GPSM2: variants seen among roughly 807,000 people sequenced by gnomAD.
The protein encoded by GPSM2 is G protein-signaling modulator 2.
In GPSM2, 58 loss-of-function variants were observed where a neutral mutation model predicts 78.4. The observed-to-expected ratio is 0.74, with a 90% CI of 0.60 to 0.92. GPSM2 has a LOEUF of 0.92. Ranked by LOEUF, GPSM2 falls within the 40% of genes least tolerant of loss-of-function variation. The pLI is 0.00. For synonymous variants in GPSM2, 224 were observed against 280.2 expected (o/e 0.80, Z 2.00); for missense variants, 700 against 815.5 (o/e 0.86, Z 1.73).
At chr1:108,917,611 C>CACACATATATATATATATAT (rs1312607573) in intron 11 of GPSM2, among the ~76,000 whole-genome samples, 1 of 22,720 alleles carries the variant, frequency 4.4e-5, no homozygotes, top group Non-Finnish European at 7.8e-5. Context: ...CACACACACA[C>CACACATATATATATATATAT]ATATATATAT....
intron 12 of GPSM2, 84 bp downstream of exon 12, chr1:108,918,873 T>C (rs1431290163): frequency 6.0e-6 from 5 of 836,920 alleles, no homozygotes; most frequent in Non-Finnish European, 1.0e-5. Flanking sequence ...TTTTTAGTAA[T>C]TTAAATTAGA....
At chr1:108,910,929 T>C (rs187151066) in intron 10 of GPSM2, among the ~76,000 whole-genome samples, 32 of 151,952 alleles carry the variant, frequency 2.1e-4, no homozygotes, top group South Asian at 4.2e-4. Context: ...CTAATGAACA[T>C]AGTAAAGAGA....
At chr1:108,929,435 T>G in intron 14 of GPSM2, 1 of 478,378 alleles carries the variant, frequency 2.1e-6, no homozygotes. Flanking sequence ...TGACTTAACA[T>G]AATGCACGTA....
intron 12 of GPSM2, among the ~76,000 whole-genome samples, chr1:108,919,305 G>A (rs140864478): frequency 2.0e-5 from 3 of 152,210 alleles, no homozygotes; most frequent in East Asian, 1.9e-4. Flanking sequence ...ACTGCGCCTG[G>A]CCAATAATTA....
chr1:108,915,202 C>A (rs561794578), intron 11 of GPSM2, among the ~76,000 whole-genome samples: 135 of 151,390 alleles, frequency 8.9e-4, no homozygotes, highest in African/African-American at 3.2e-3. Context: ...GAAACCCTGT[C>A]TTTACTAAAA....
At position 108,901,236 on chromosome 1, in the gene GPSM2, C is replaced by T. The variant is rs116128450; in HGVS notation, c.798-554C>T. Among the ~76,000 whole-genome samples, 1,492 of 152,310 alleles carry T rather than the reference C, an allele frequency of 9.8e-3. 20 individuals are homozygous for T. The highest frequency in any genetic ancestry group is 0.034 in the African/African-American group (1,420 of 41,564). Reference sequence around the variant, plus strand: ...GCTCTTAACTGCTACGCTAGCTTCTCACTGGCAATACCACAGGTAGAATTT... The same window carrying T: ...GCTCTTAACTGCTACGCTAGCTTCTTACTGGCAATACCACAGGTAGAATTT... On this transcript the variant is annotated intron_variant, in intron 7 of 14. Coordinates refer to ENST00000264126, the MANE Select transcript of GPSM2 (RefSeq NM_013296.5).
rs9727773 is a variant in GPSM2, at chr1:108,897,090, T to C, written c.278+5T>C. On this transcript the variant is annotated splice_donor_5th_base_variant and intron_variant, in intron 3 of 14. Coordinates refer to ENST00000264126, the MANE Select transcript of GPSM2 (RefSeq NM_013296.5). ...TCATGATTTAACCCTTGCAAGGTAA[T>C]TAATTTAAGCTTTTAAATATTCTTC... The C allele has an allele frequency of 5.4e-3, 8,446 of 1,562,598 alleles. 383 individuals carry two copies. The African/African-American group carries it at 0.098, about 18-fold the overall frequency.
chr1:108,897,833 G>A (rs1430850298), intron 4 of GPSM2, 126 bp from the exon 5 acceptor site: 1 of 994,304 alleles, frequency 1.0e-6, no homozygotes, highest in Non-Finnish European at 1.5e-6. Context: ...TATTTGATTG[G>A]TTCTGTATGG....
At position 108,901,228 on chromosome 1, in the gene GPSM2, T is replaced by C. The variant is rs150006651; in HGVS notation, c.798-562T>C. ...AGATCTATGCTCTTAACTGCTACGC[T>C]AGCTTCTCACTGGCAATACCACAGG... On this transcript the variant is annotated intron_variant, in intron 7 of 14. Coordinates refer to ENST00000264126, the MANE Select transcript of GPSM2 (RefSeq NM_013296.5). 1.7e-4 allele frequency among the ~76,000 whole-genome samples: 26 copies of C among 152,342 alleles called. No homozygotes were observed. The East Asian group carries it at 5.0e-3, about 29-fold the overall frequency.
rs1291881502 is a variant in GPSM2, at chr1:108,931,648, T to A, written c.*1708T>A. 20 of 891,620 alleles carry A rather than the reference T, an allele frequency of 2.2e-5. No individual in the cohort carries two copies. The highest frequency in any genetic ancestry group is 2.9e-5 in the Non-Finnish European group (18 of 621,976). The allele number at this position is 891,620 out of a possible 1,614,324, so 55.2% of individuals were successfully genotyped here. A position where few individuals can be genotyped will look rare whatever the true frequency, so the allele number is the denominator to read the frequency against. Reference sequence around the variant, plus strand: ...TCAGCTAAAAAAAAAAAAAAAGTTCTAAATTACAACCTGGATTACATTATG... The same window carrying A: ...TCAGCTAAAAAAAAAAAAAAAGTTCAAAATTACAACCTGGATTACATTATG... On this transcript the variant is annotated 3_prime_UTR_variant, in exon 15 of 15. Coordinates refer to ENST00000264126, the MANE Select transcript of GPSM2 (RefSeq NM_013296.5).
rs570340034 is a variant in GPSM2, at chr1:108,930,957, C to T, written c.*1017C>T. The T allele has an allele frequency of 8.0e-5, 13 of 162,206 alleles. No individual in the cohort carries two copies. In the South Asian group the frequency reaches 1.8e-3, roughly 23 times the overall value. The allele number at this position is 162,206 out of a possible 1,614,324, so 10.0% of individuals were successfully genotyped here. On this transcript the variant is annotated 3_prime_UTR_variant, in exon 15 of 15. Transcript: ENST00000264126. The stretch of plus-strand genomic sequence containing the variant: ...GTCCCAACTGCTTAAGAGGCTGAGG[C>T]AGGAGGACCACTTGAGCCCAGGAGG...
intron 7 of GPSM2, among the ~76,000 whole-genome samples, chr1:108,899,428 T>C (rs1435597188): frequency 2.0e-5 from 3 of 152,206 alleles, no homozygotes; most frequent in Admixed American, 6.5e-5. Context: ...AAAATATTTA[T>C]AGTCTATACC....
intron 9 of GPSM2, among the ~76,000 whole-genome samples, 199 bp from the exon 10 acceptor site, chr1:108,903,926 C>T (rs1178151971): frequency 6.6e-6 from 1 of 152,050 alleles, no homozygotes; most frequent in Non-Finnish European, 1.5e-5. Flanking sequence ...ATTTTAGAAG[C>T]TTGCTTTTTC....
intron 10 of GPSM2, 21 bp from the exon 11 acceptor site, chr1:108,914,312 TTTGAA>T (rs1414450735): frequency 6.6e-7 from 1 of 1,525,870 alleles, no homozygotes; most frequent in South Asian, 1.1e-5. Context: ...CCCTGGTTTA[TTTGAA>T]TTAATTTTTT....
chr1:108,888,211 C>T (rs1647712670), intron 2 of GPSM2, among the ~76,000 whole-genome samples: 1 of 151,806 alleles, frequency 6.6e-6, no homozygotes, highest in East Asian at 2.0e-4. Flanking sequence ...GCCACCATGC[C>T]CAGCTAACTT....
intron 13 of GPSM2, among the ~76,000 whole-genome samples, chr1:108,923,637 C>T (rs1650904851): frequency 6.6e-6 from 1 of 152,222 alleles, no homozygotes; most frequent in Non-Finnish European, 1.5e-5. Context: ...ATAAAAAACA[C>T]TGTCCTACAC....
At chr1:108,902,286 C>T (rs1398613931) in intron 8 of GPSM2, among the ~76,000 whole-genome samples, 1 of 151,194 alleles carries the variant, frequency 6.6e-6, no homozygotes, top group Non-Finnish European at 1.5e-5. Flanking sequence ...GAGGCTGAGG[C>T]AGGAGAATCG....
chr1:108,912,842 C>T (rs573316383), intron 10 of GPSM2, among the ~76,000 whole-genome samples: 2 of 128,490 alleles, frequency 1.6e-5, no homozygotes, highest in Admixed American at 2.0e-4. Context: ...GTCAGGAGTT[C>T]GAGACCAGCC....
chr1:108,902,298 T>C (rs1402736730), intron 8 of GPSM2, among the ~76,000 whole-genome samples: 2 of 151,846 alleles, frequency 1.3e-5, no homozygotes, highest in African/African-American at 4.8e-5. Flanking sequence ...GGAGAATCGC[T>C]TGAACCCAGG....
Sources: allele counts gnomAD v4.1 joint callset (sites outside exome capture counted in the v4.1 genomes callset), GRCh38; gene constraint gnomAD v4.1.1; transcripts MANE v1.5; gene names NCBI Gene and HGNC (gene_info 2026-07-23, HGNC 2026-07-21).